The following HERC4 variants were observed in gnomAD, a reference collection of about 807,000 sequenced individuals.
HERC4 encodes the protein HECT and RLD domain containing E3 ubiquitin protein ligase 4.
Under a neutral mutation model 124.3 loss-of-function variants are expected in HERC4, and 28 were observed. The ratio of observed to expected loss-of-function variants is 0.23; its 90% CI spans 0.17 to 0.31. The LOEUF is 0.31. Among genes scored for constraint, HERC4 ranks in the 10% least tolerant of loss-of-function variants. The pLI is 1.00. For synonymous variants in HERC4, 407 were observed against 421.5 expected, an observed-to-expected ratio of 0.97 and a Z score of 0.42; for missense variants, 713 against 1,229.3, an observed-to-expected ratio of 0.58 and a Z score of 6.28.
intron 4 of HERC4, among the ~76,000 whole-genome samples, chr10:68,040,713 AC>A (rs2039719700): frequency 6.6e-6 from 1 of 151,934 alleles, no homozygotes; most frequent in African/African-American, 2.4e-5. Context: ...AAATGGTGAA[AC>A]CCCGTCTCTA....
At chr10:68,047,593 T>C (rs2040077136) in intron 3 of HERC4, among the ~76,000 whole-genome samples, 2 of 152,136 alleles carry the variant, frequency 1.3e-5, no homozygotes, top group Admixed American at 1.3e-4. Flanking sequence ...CCAAGGAAGA[T>C]AAACAAATGG....
chr10:68,010,468 C>G (rs2037877975), intron 9 of HERC4: 1 of 932,174 alleles, frequency 1.1e-6, no homozygotes, highest in South Asian at 1.4e-5. Context: ...CAGAACCACA[C>G]TCGGATCACA....
chr10:67,928,163 A>C (rs548406631), intron 23 of HERC4, among the ~76,000 whole-genome samples: 3 of 152,262 alleles, frequency 2.0e-5, no homozygotes, highest in African/African-American at 7.2e-5. Flanking sequence ...AGCAGAGGTT[A>C]ATAAGGCTGA....
At chr10:68,019,869 C>CA (rs2038504337) in intron 8 of HERC4, among the ~76,000 whole-genome samples, 1 of 152,172 alleles carries the variant, frequency 6.6e-6, no homozygotes, top group South Asian at 2.1e-4. Flanking sequence ...CACCAAGGTG[C>CA]AGAAAGGCAG....
At chr10:68,038,424 C>T in intron 4 of HERC4, 1 of 304,868 alleles carries the variant, frequency 3.3e-6, no homozygotes, top group South Asian at 1.0e-4. Flanking sequence ...GTGAGCTATA[C>T]TCATACCTCA....
chr10:67,967,854 T>C lies in HERC4; in HGVS notation c.1807-1052A>G, dbSNP rs189368615. 1.6e-4 allele frequency among the ~76,000 whole-genome samples: 24 copies of C among 151,764 alleles called. No individual in the cohort carries two copies. In the East Asian group the frequency reaches 3.9e-3, roughly 25 times the overall value. ...AGGAAACAATCAGACAAATCCTGAT[T>C]ATGAAACTTTTATAAGAAAACTGGC... On this transcript the variant is annotated intron_variant, in intron 15 of 24. Coordinates refer to ENST00000373700, the MANE Select transcript of HERC4 (RefSeq NM_015601.4).
intron 5 of HERC4, among the ~76,000 whole-genome samples, chr10:68,036,399 C>G (rs908927779): frequency 6.6e-6 from 1 of 151,482 alleles, no homozygotes; most frequent in African/African-American, 2.4e-5. Context: ...ACAAAAAGGT[C>G]AATATGAAAA....
In HERC4 at chr10:67,950,986, C is replaced by T. The variant is rs186510975; in HGVS notation, c.2337+3609G>A. Among the ~76,000 whole-genome samples the T allele has an allele frequency of 3.3e-5, 5 of 151,282 alleles. No individual in the cohort carries two copies. The East Asian group carries it at 5.8e-4, about 18-fold the overall frequency. ...CACAAGATAAACCTGGAATGTTTAC[C>T]GTACCAAATGTAAGGAAATGCTTGA... On this transcript the variant is annotated intron_variant, in intron 19 of 24. Coordinates refer to ENST00000373700, the MANE Select transcript of HERC4 (RefSeq NM_015601.4).
intron 8 of HERC4, among the ~76,000 whole-genome samples, chr10:68,024,295 C>T (rs1042277491): frequency 5.9e-5 from 9 of 151,998 alleles, no homozygotes; most frequent in Non-Finnish European, 1.2e-4. Context: ...AGTACAAGAG[C>T]ATCAGGAATT....
At chr10:67,997,817 G>A (rs554888375) in intron 9 of HERC4, among the ~76,000 whole-genome samples, 7 of 152,288 alleles carry the variant, frequency 4.6e-5, no homozygotes, top group South Asian at 2.1e-4. Context: ...TCTTGTACGA[G>A]GTGGAAGAAA....
intron 16 of HERC4, 86 bp downstream of exon 16, chr10:67,966,597 T>C (rs561349262): frequency 2.4e-5 from 32 of 1,333,722 alleles, no homozygotes; most frequent in Non-Finnish European, 3.3e-5. Context: ...GAAAAAACTT[T>C]CTCATTTCAA....
intron 8 of HERC4, among the ~76,000 whole-genome samples, chr10:68,024,568 T>C (rs2038803623): frequency 6.6e-6 from 1 of 152,068 alleles, no homozygotes; most frequent in African/African-American, 2.4e-5. Flanking sequence ...TGAGGCCTAA[T>C]GATGGAGAAC....
At chr10:67,948,079 T>C (rs1477772625) in intron 19 of HERC4, among the ~76,000 whole-genome samples, 1 of 128,882 alleles carries the variant, frequency 7.8e-6, no homozygotes, top group Non-Finnish European at 1.7e-5. Flanking sequence ...AAACACAGCA[T>C]ACTACAACTT....
chr10:68,069,179 A>G (rs2041448052), intron 3 of HERC4: 5 of 964,434 alleles, frequency 5.2e-6, no homozygotes, highest in Non-Finnish European at 4.9e-6. Flanking sequence ...TATACTTCCC[A>G]TACTTAAAAT....
At chr10:68,052,882 G>A (rs573325923) in intron 3 of HERC4, among the ~76,000 whole-genome samples, 6 of 152,100 alleles carry the variant, frequency 3.9e-5, no homozygotes, top group South Asian at 2.1e-4. Context: ...TGTGGAAAAC[G>A]AAAGCTACAA....
intron 3 of HERC4, among the ~76,000 whole-genome samples, chr10:68,045,744 G>T (rs1285272174): frequency 6.6e-6 from 1 of 152,134 alleles, no homozygotes; most frequent in African/African-American, 2.4e-5. Context: ...TATAATCATT[G>T]TCTTCAACAA....
At chr10:68,044,252 C>T in intron 4 of HERC4, 152 bp downstream of exon 4, 2 of 604,464 alleles carry the variant, frequency 3.3e-6, no homozygotes, top group Admixed American at 3.6e-5. Context: ...CAATCAACAT[C>T]ATAAGCAAGA....
In HERC4 at chr10:67,983,607, G is replaced by A. The variant is rs540324860; in HGVS notation, c.1806+5056C>T. ...ATCCTGGCTAACACGGTGAAACCCC[G>A]TCTCTACTAAAAATACAAAATAAAA... is the stretch of plus-strand genomic sequence containing the variant. On this transcript the variant is annotated intron_variant, in intron 15 of 24. Transcript: ENST00000373700. Among the ~76,000 whole-genome samples, 9 of 151,738 alleles carry A rather than the reference G, an allele frequency of 5.9e-5. 1 individual carries two copies. In the East Asian group the frequency reaches 1.7e-3, roughly 29 times the overall value.
intron 7 of HERC4, among the ~76,000 whole-genome samples, chr10:68,026,758 G>T (rs2038921965): frequency 6.6e-6 from 1 of 151,950 alleles, no homozygotes; most frequent in Non-Finnish European, 1.5e-5. Flanking sequence ...CAGGAGAATT[G>T]CCTGAACCCG....
Sources: gnomAD v4.1 joint callset for allele counts (sites outside exome capture counted in the v4.1 genomes callset) on GRCh38, gnomAD v4.1.1 for gene constraint, MANE v1.5 for transcripts, NCBI Gene and HGNC (gene_info 2026-07-23, HGNC 2026-07-21) for gene names.